RASGRF2: variants seen among roughly 807,000 people sequenced by gnomAD.
RASGRF2 encodes the protein ras-specific guanine nucleotide-releasing factor 2.
A neutral mutation model predicts 151.0 loss-of-function variants in RASGRF2; 76 were observed. That is an observed-to-expected ratio of 0.50 (90% CI 0.42 to 0.61). The LOEUF (loss-of-function observed/expected upper bound fraction) is 0.61, where lower values mean the gene tolerates loss of function less well. RASGRF2 is among the 20% of genes least tolerant of loss of function. The probability of loss-of-function intolerance (pLI) is 0.00; values close to 1 mark genes in which losing one functional copy is unlikely to be tolerated. For missense variants in RASGRF2, 1,148 were observed against 1,564.6 expected (o/e 0.73, Z 4.49); for synonymous variants, 504 against 566.5 (o/e 0.89, Z 1.57).
intron 1 of RASGRF2, among the ~76,000 whole-genome samples, chr5:80,971,726 T>C (rs1747940448): frequency 1.3e-5 from 2 of 151,766 alleles, no homozygotes; most frequent in African/African-American, 2.4e-5. Flanking sequence ...CCACCATGCC[T>C]GGCTAATTTT....
At chr5:81,203,442 A>C (rs1755440631) in intron 19 of RASGRF2, among the ~76,000 whole-genome samples, 1 of 152,234 alleles carries the variant, frequency 6.6e-6, no homozygotes, top group South Asian at 2.1e-4. Flanking sequence ...GACGTCAGTC[A>C]GTTGGAGTTG....
intron 22 of RASGRF2, among the ~76,000 whole-genome samples, chr5:81,209,429 C>T (rs1056490319): frequency 4.6e-5 from 7 of 152,128 alleles, no homozygotes; most frequent in African/African-American, 7.2e-5. Context: ...AAAGGAATAA[C>T]GATTTTAAAA....
intron 20 of RASGRF2, 32 bp from the exon 21 acceptor site, chr5:81,207,214 G>A: frequency 6.3e-7 from 1 of 1,594,206 alleles, no homozygotes; most frequent in East Asian, 2.2e-5. Flanking sequence ...CCCTCTCCTG[G>A]GTGTTTCATT....
At chr5:81,160,000 G>A (rs542223652) in intron 17 of RASGRF2, among the ~76,000 whole-genome samples, 6 of 152,316 alleles carry the variant, frequency 3.9e-5, no homozygotes, top group Non-Finnish European at 1.5e-5. Context: ...TTAGAACTAC[G>A]AAGCAGGCCG....
intron 2 of RASGRF2, among the ~76,000 whole-genome samples, chr5:81,065,014 C>T (rs1355113266): frequency 6.6e-6 from 1 of 152,106 alleles, no homozygotes; most frequent in Non-Finnish European, 1.5e-5. Flanking sequence ...AAGAAGGAAG[C>T]TGCTACGAGT....
In RASGRF2 at chr5:80,960,945, G is replaced by C; in HGVS notation, c.207G>C (p.Glu69Asp). 1.9e-6 allele frequency: 3 copies of C among 1,581,124 alleles called. No individual in the cohort carries two copies. The highest frequency in any genetic ancestry group is 2.6e-6 in the Non-Finnish European group (3 of 1,156,972). ...GCCCGGCGGGCATGTACCTCCTGGAGGGCTGCAGCTGCGAACGAACGCCCG... is the reference window on the plus strand; with the variant it reads ...GCCCGGCGGGCATGTACCTCCTGGACGGCTGCAGCTGCGAACGAACGCCCG... The part of the protein sequence containing the change: ...SCRPAGMYLL[E>D]GCSCERTPAP... The change falls in exon 1 of 27, where the codon GAG (glutamate) becomes GAC (aspartate). Residue 69 changes from glutamate to aspartate, a missense_variant. Physicochemically the swap from Glu to Asp is conservative, Grantham distance 45. Around this residue, in one of 5 missense-constraint regions of RASGRF2, gnomAD observed 221 missense variants for 271.3 expected, o/e 0.81. Transcript: ENST00000265080. This position sits in a 1 kb window ranked among gnomAD's most constrained non-coding sequence, Gnocchi z 5.5.
At position 81,198,443 on chromosome 5, in the gene RASGRF2, A is replaced by AT. The variant is rs34980516; in HGVS notation, c.2794-2873dup. 2.9e-3 allele frequency among the ~76,000 whole-genome samples: 428 copies of AT among 147,140 alleles called. 2 individuals are homozygous for AT. Among genetic ancestry groups the AT allele is most frequent in the East Asian group, 6.2e-3 (31 of 5,034 alleles). On this transcript the variant is annotated intron_variant, in intron 18 of 26. Transcript: ENST00000265080. ...CATCCATGTTGCTTTATAGAACATG[A>AT]TTTTTTTTTTTTTTGAGACGGAGTC...
intron 1 of RASGRF2, among the ~76,000 whole-genome samples, chr5:81,021,559 CGT>C (rs34148067): frequency 0.4 from 59,740 of 149,780 alleles, 11,830 homozygotes; most frequent in Middle Eastern, 0.56. Flanking sequence ...ATTGTGCGAG[CGT>C]GTGTGTGTGT....
At chr5:81,129,962 G>A (rs1238836818) in intron 17 of RASGRF2, among the ~76,000 whole-genome samples, 2 of 152,056 alleles carry the variant, frequency 1.3e-5, no homozygotes, top group African/African-American at 4.8e-5. Context: ...AGATTGAATC[G>A]TTTGAATGTG....
intron 2 of RASGRF2, among the ~76,000 whole-genome samples, chr5:81,047,789 A>T (rs1484551979): frequency 6.6e-6 from 1 of 152,168 alleles, no homozygotes; most frequent in Non-Finnish European, 1.5e-5. Context: ...GAAAGCTGTA[A>T]TGCAGCCTCT....
chr5:81,150,565 C>T (rs1455210940), intron 17 of RASGRF2, among the ~76,000 whole-genome samples: 1 of 152,112 alleles, frequency 6.6e-6, no homozygotes, highest in Non-Finnish European at 1.5e-5. Flanking sequence ...ATAGATGCAT[C>T]CCCCCATCAT....
intron 1 of RASGRF2, among the ~76,000 whole-genome samples, chr5:81,007,578 G>A (rs1041292888): frequency 4.6e-5 from 7 of 151,990 alleles, no homozygotes; most frequent in African/African-American, 7.3e-5. Context: ...ATACTCCCTC[G>A]CTTTCTTTTT....
intron 18 of RASGRF2, among the ~76,000 whole-genome samples, chr5:81,186,046 C>T (rs1755018503): frequency 6.6e-6 from 1 of 152,156 alleles, no homozygotes; most frequent in African/African-American, 2.4e-5. Context: ...AGCAATTTCA[C>T]AAAATCTATC....
At chr5:81,063,798 T>A (rs1751514560) in intron 2 of RASGRF2, among the ~76,000 whole-genome samples, 1 of 152,208 alleles carries the variant, frequency 6.6e-6, no homozygotes, top group Non-Finnish European at 1.5e-5. Context: ...TTATCTTTTT[T>A]TTCCAAGAAC....
intron 17 of RASGRF2, among the ~76,000 whole-genome samples, chr5:81,173,625 T>C (rs568591522): frequency 2.6e-5 from 4 of 152,170 alleles, no homozygotes; most frequent in Non-Finnish European, 5.9e-5. Flanking sequence ...TTACTAGATG[T>C]GTAACCTTAA....
At chr5:81,108,576 C>T (rs1752906567) in intron 12 of RASGRF2, among the ~76,000 whole-genome samples, 1 of 152,204 alleles carries the variant, frequency 6.6e-6, no homozygotes, top group African/African-American at 2.4e-5. Flanking sequence ...TCCAATCTGA[C>T]TACTCTACAC....
rs1453278757 is a variant in RASGRF2 at position 81,226,866 on chromosome 5, GAAT to G, written c.*1098_*1100del. The G allele has an allele frequency of 1.3e-5, 2 of 152,256 alleles. No individual in the cohort carries two copies. The highest frequency in any genetic ancestry group is 1.3e-4 in the Admixed American group (2 of 15,290). 9.4% of individuals were successfully genotyped at this position (152,256 alleles called of 1,614,324 possible). A position where few individuals can be genotyped will look rare whatever the true frequency, so the allele number is the denominator to read the frequency against. On this transcript the variant is annotated 3_prime_UTR_variant, in exon 27 of 27. Transcript: ENST00000265080. ...AAAACTGATGTTGAGAGATCTCTGA[GAAT>G]ATTATAAGTGCATGGGAAATGGGCC...
At chr5:81,073,554 A>G (rs1751845408) in intron 5 of RASGRF2, 102 bp downstream of exon 5, 6 of 1,267,222 alleles carry the variant, frequency 4.7e-6, no homozygotes, top group South Asian at 1.6e-5. Flanking sequence ...ATTCATCTCT[A>G]TTAGTTTATG....
At chr5:81,205,694 G>A (rs1347870664) in intron 19 of RASGRF2, among the ~76,000 whole-genome samples, 1 of 152,088 alleles carries the variant, frequency 6.6e-6, no homozygotes, top group African/African-American at 2.4e-5. Flanking sequence ...ACTAAAAGTA[G>A]CTTCCTCCAG....
Sources: gnomAD v4.1 joint callset for allele counts (sites outside exome capture counted in the v4.1 genomes callset) on GRCh38, gnomAD v4.1.1 for gene constraint, gnomAD v4.1.1 regional missense constraint, Gnocchi (gnomAD v3.1) non-coding constraint, MANE v1.5 for transcripts, NCBI Gene and HGNC (gene_info 2026-07-23, HGNC 2026-07-21) for gene names.